TEK: variants seen among roughly 807,000 people sequenced by gnomAD.
TEK encodes the protein angiopoietin-1 receptor.
Under a neutral mutation model 131.8 loss-of-function variants are expected in TEK, and 43 were observed. The ratio of observed to expected loss-of-function variants is 0.33; its 90% CI spans 0.26 to 0.42. TEK has a LOEUF of 0.42. Among genes scored for constraint, TEK ranks in the 10% least tolerant of loss-of-function variants. TEK has a pLI of 1.00. For missense variants in TEK, 1,162 were observed against 1,384.4 expected, an observed-to-expected ratio of 0.84 and a Z score of 2.55; for synonymous variants, 580 against 491.6, an observed-to-expected ratio of 1.18 and a Z score of -2.38.
chr9:27,192,426 A>G lies in TEK; in HGVS notation c.1490-63A>G, dbSNP rs1343148120. ...ATTAGTTCACATCGCAATAACAACA[A>G]CCCCGGCTTAAGGAATGTAAGAGAA... On this transcript the variant is annotated intron_variant, in intron 10 of 22. Transcript: ENST00000380036. 6.2e-6 allele frequency: 10 copies of G among 1,604,500 alleles called. 1 individual carries two copies. In the South Asian group the frequency reaches 7.7e-5, roughly 12 times the overall value.
rs562819897 is a variant in TEK at position 27,212,807 on chromosome 9, C to T, written c.2787C>T (p.Ala929=). ...AGACGGACCCAGCATTTGCCATTGC[C>T]AATAGCACCGCGTCCACACTGTCCT... ...VLETDPAFAI[A]NSTASTLSSQ... Residue 929 remains alanine, a synonymous_variant, in exon 17 of 23, where the codon GCC becomes GCT. Transcript: ENST00000380036. The T allele has an allele frequency of 1.6e-5, 26 of 1,614,086 alleles. No homozygotes were observed. In the South Asian group the frequency reaches 2.7e-4, roughly 17 times the overall value.
intron 2 of TEK, among the ~76,000 whole-genome samples, chr9:27,164,321 AT>A (rs35837600): frequency 0.024 from 3,305 of 140,146 alleles, 110 homozygotes; most frequent in African/African-American, 0.077. Context: ...TACAGTCTTG[AT>A]TTTTTTTTTT....
At chr9:27,124,449 A>G (rs1015791747) in intron 1 of TEK, among the ~76,000 whole-genome samples, 21 of 152,236 alleles carry the variant, frequency 1.4e-4, no homozygotes, top group Admixed American at 5.9e-4. Context: ...TTAGAAACAC[A>G]AGAGAGCTAA....
intron 6 of TEK, among the ~76,000 whole-genome samples, chr9:27,174,938 A>G (rs1312758981): frequency 6.6e-6 from 1 of 150,990 alleles, no homozygotes; most frequent in Non-Finnish European, 1.5e-5. Context: ...TTTGTAGTGA[A>G]TGTGTCTCTG....
intron 1 of TEK, among the ~76,000 whole-genome samples, chr9:27,120,476 G>A (rs1284882395): frequency 6.6e-6 from 1 of 152,260 alleles, no homozygotes; most frequent in African/African-American, 2.4e-5. Context: ...ATATGTGCAG[G>A]TGGATTATGT....
chr9:27,173,181 G>A (rs757069148), intron 5 of TEK, 41 bp from the exon 6 acceptor site: 7 of 1,612,308 alleles, frequency 4.3e-6, no homozygotes, highest in East Asian at 2.2e-5. Flanking sequence ...TCAAGGGGTT[G>A]CATATTTGAC....
chr9:27,182,868 C>T (rs1231169338), intron 7 of TEK, among the ~76,000 whole-genome samples: 1 of 152,136 alleles, frequency 6.6e-6, no homozygotes, highest in Non-Finnish European at 1.5e-5. Context: ...TGAGTGGATA[C>T]TGATTTGGGG....
Position 27,217,718 on chromosome 9 carries a change from G to A in TEK, c.3022G>A (p.Glu1008Lys), listed in dbSNP as rs1409424508. 6.2e-7 allele frequency: 1 copy of A among 1,613,920 alleles called. No individual in the cohort carries two copies. The highest frequency in any genetic ancestry group is 8.5e-7 in the Non-Finnish European group (1 of 1,179,880). ...GCTCCCAGTGCGCTGGATGGCCATCGAGTCACTGAATTACAGTGTGTACAC... is the reference window on the plus strand; with the variant it reads ...GCTCCCAGTGCGCTGGATGGCCATCAAGTCACTGAATTACAGTGTGTACAC... ...GRLPVRWMAI[E>K]SLNYSVYTTN... Residue 1008 changes from glutamate to lysine, a missense_variant, in exon 19 of 23, where the codon GAG becomes AAG. Glu to Lys is a moderately conservative substitution (Grantham distance 56). Around this residue, in one of 6 missense-constraint regions of TEK, gnomAD observed 107 missense variants for 173.9 expected, o/e 0.62. Transcript: ENST00000380036.
At chr9:27,170,503 T>A (rs1044458460) in intron 4 of TEK, among the ~76,000 whole-genome samples, 2 of 152,124 alleles carry the variant, frequency 1.3e-5, no homozygotes, top group Non-Finnish European at 2.9e-5. Flanking sequence ...TGCATGCCTG[T>A]AGTTCTAGCT....
At chr9:27,148,509 A>T (rs923240580) in intron 1 of TEK, among the ~76,000 whole-genome samples, 6 of 152,210 alleles carry the variant, frequency 3.9e-5, no homozygotes, top group African/African-American at 1.4e-4. Context: ...GCGTCTCCTC[A>T]TGATGGCCTC....
At chr9:27,197,189 A>T in intron 11 of TEK, 126 bp from the exon 12 acceptor site, 1 of 1,000,814 alleles carries the variant, frequency 1.0e-6, no homozygotes, top group Admixed American at 2.0e-5. Flanking sequence ...TCATCAACCA[A>T]TCACCTCCCA....
intron 1 of TEK, among the ~76,000 whole-genome samples, chr9:27,139,982 A>T (rs1472164200): frequency 6.6e-6 from 1 of 151,834 alleles, no homozygotes; most frequent in African/African-American, 2.4e-5. Flanking sequence ...GCTACCTTAG[A>T]CTCTCTAGAC....
Position 27,109,560 on chromosome 9 carries a change from G to T in TEK, c.-31G>T. 6.2e-7 allele frequency: 1 copy of T among 1,613,832 alleles called. No homozygotes were observed. The highest frequency in any genetic ancestry group is 1.1e-5 in the South Asian group (1 of 91,068). On this transcript the variant is annotated 5_prime_UTR_variant, in exon 1 of 23. Transcript: ENST00000380036. ...GATCCTTGGGACCTCATGCACATTT[G>T]TGGAAACTGGATGGAGAGATTTGGG...
chr9:27,130,883 A>G (rs1334021211), intron 1 of TEK, among the ~76,000 whole-genome samples: 1 of 152,140 alleles, frequency 6.6e-6, no homozygotes, highest in Non-Finnish European at 1.5e-5. Context: ...TTTAAAAAAC[A>G]AAACAAAACA....
chr9:27,213,412 C>T, intron 17 of TEK, 72 bp from the exon 18 acceptor site: 2 of 1,101,842 alleles, frequency 1.8e-6, no homozygotes, highest in Non-Finnish European at 2.8e-6. Flanking sequence ...TGTTTTCTTT[C>T]CTGTTCCCCA....
chr9:27,179,807 T>C (rs545673261), intron 6 of TEK, among the ~76,000 whole-genome samples: 1 of 152,320 alleles, frequency 6.6e-6, no homozygotes, highest in South Asian at 2.1e-4. Context: ...CTGTCTCTGA[T>C]GCATCAGGCC....
intron 1 of TEK, among the ~76,000 whole-genome samples, chr9:27,157,005 GAGAA>G (rs1296627271): frequency 6.6e-6 from 1 of 152,184 alleles, no homozygotes; most frequent in Non-Finnish European, 1.5e-5. Context: ...AGGGGAGAGA[GAGAA>G]AGAAAGAGAA....
intron 2 of TEK, among the ~76,000 whole-genome samples, chr9:27,159,320 C>T (rs897390848): frequency 3.3e-5 from 5 of 152,136 alleles, no homozygotes; most frequent in Admixed American, 2.6e-4. Context: ...TCTTTGCAAC[C>T]TAGGCTCAGA....
chr9:27,222,487 G>T (rs1229596085), intron 21 of TEK, among the ~76,000 whole-genome samples: 2 of 152,160 alleles, frequency 1.3e-5, no homozygotes, highest in African/African-American at 4.8e-5. Context: ...ACCCACAAAG[G>T]GAAGCCAAAC....
Sources: gnomAD v4.1 joint callset for allele counts (sites outside exome capture counted in the v4.1 genomes callset) on GRCh38, gnomAD v4.1.1 for gene constraint, gnomAD v4.1.1 regional missense constraint, MANE v1.5 for transcripts, NCBI Gene and HGNC (gene_info 2026-07-23, HGNC 2026-07-21) for gene names.